The following CNBD1 variants were observed in gnomAD, a reference collection of about 807,000 sequenced individuals.
CNBD1 encodes the protein cyclic nucleotide-binding domain-containing protein 1.
A neutral mutation model predicts 54.4 loss-of-function variants in CNBD1; 71 were observed. The observed-to-expected ratio is 1.30, with a 90% CI of 1.08 to 1.59. CNBD1 has a LOEUF of 1.59. Ranked by LOEUF, CNBD1 falls within the 40% of genes most tolerant of loss-of-function variation. The probability of loss-of-function intolerance (pLI) is 0.00; values close to 1 mark genes in which losing one functional copy is unlikely to be tolerated. For missense variants in CNBD1, 659 were observed against 518.0 expected (o/e 1.27, Z -2.64); for synonymous variants, 182 against 170.7 (o/e 1.07, Z -0.51).
chr8:87,228,914 C>T (rs1464402287), intron 5 of CNBD1, among the ~76,000 whole-genome samples: 4 of 152,212 alleles, frequency 2.6e-5, no homozygotes, highest in Admixed American at 6.5e-5. Context: ...TAGGACCCTC[C>T]GAGCCAGGTG....
chr8:87,125,074 G>C (rs576801870), intron 4 of CNBD1, among the ~76,000 whole-genome samples: 1 of 151,696 alleles, frequency 6.6e-6, no homozygotes, highest in Non-Finnish European at 1.5e-5. Flanking sequence ...TAAATACTTA[G>C]TTCTAAATTC....
chr8:87,406,068 C>A (rs1030767436), intron 2 of CNBD1, among the ~76,000 whole-genome samples: 1 of 152,044 alleles, frequency 6.6e-6, no homozygotes, highest in Non-Finnish European at 1.5e-5. Context: ...CAACCTAAAA[C>A]ATTACTTTGA....
intron 2 of CNBD1, among the ~76,000 whole-genome samples, chr8:87,413,541 T>C (rs1230439636): frequency 6.6e-6 from 1 of 152,030 alleles, no homozygotes; most frequent in Non-Finnish European, 1.5e-5. Flanking sequence ...TGTTCCAAAT[T>C]CTTCTTTTTT....
At chr8:87,183,289 T>G (rs2130779124) in intron 4 of CNBD1, among the ~76,000 whole-genome samples, 1 of 152,246 alleles carries the variant, frequency 6.6e-6, no homozygotes, top group African/African-American at 2.4e-5. Context: ...ACCATGCTGT[T>G]TTGGTTGCTG....
intron 2 of CNBD1, among the ~76,000 whole-genome samples, chr8:87,423,243 T>A (rs1426214492): frequency 3.9e-5 from 6 of 152,158 alleles, no homozygotes; most frequent in African/African-American, 1.4e-4. Context: ...TGACTTCCTC[T>A]TTTCCTAATT....
At position 86,939,354 on chromosome 8, in the gene CNBD1, A is replaced by G. The variant is rs149690932; in HGVS notation, c.273-242A>G. On this transcript the variant is annotated intron_variant, in intron 3 of 10. Transcript: ENST00000518476. ...CAATTGCTCAGGACAGTTATAATAC[A>G]TATAATCAAATTCTATACATTGAAA... Among the ~76,000 whole-genome samples, 119 of 152,316 alleles carry G rather than the reference A, an allele frequency of 7.8e-4. 1 individual carries two copies. In the East Asian group the frequency reaches 0.023, roughly 29 times the overall value.
At chr8:87,345,873 G>A (rs1304297215) in intron 8 of CNBD1, among the ~76,000 whole-genome samples, 1 of 151,990 alleles carries the variant, frequency 6.6e-6, no homozygotes. Context: ...AAGTTAAGGA[G>A]TATTTCTACC....
At chr8:87,255,767 C>T (rs996290966) in intron 6 of CNBD1, among the ~76,000 whole-genome samples, 2 of 151,054 alleles carry the variant, frequency 1.3e-5, no homozygotes, top group African/African-American at 4.9e-5. Flanking sequence ...AAGAATGTGC[C>T]TTAGCCTTCT....
intron 4 of CNBD1, among the ~76,000 whole-genome samples, chr8:87,094,893 G>C (rs892447978): frequency 6.6e-6 from 1 of 152,156 alleles, no homozygotes; most frequent in African/African-American, 2.4e-5. Context: ...CAAAAAATTA[G>C]CTGGGCATGG....
intron 4 of CNBD1, among the ~76,000 whole-genome samples, chr8:87,011,014 A>G (rs1809208991): frequency 6.6e-6 from 1 of 152,092 alleles, no homozygotes; most frequent in South Asian, 2.1e-4. Flanking sequence ...AGAGGATTTA[A>G]TTCTTTTCTG....
intron 4 of CNBD1, among the ~76,000 whole-genome samples, chr8:87,051,091 T>C (rs1810301711): frequency 6.6e-6 from 1 of 152,210 alleles, no homozygotes; most frequent in Non-Finnish European, 1.5e-5. Context: ...AGAATATCCC[T>C]GCCTAGCAAA....
At chr8:87,108,096 A>C (rs755852647) in intron 4 of CNBD1, among the ~76,000 whole-genome samples, 2 of 152,076 alleles carry the variant, frequency 1.3e-5, no homozygotes, top group Non-Finnish European at 2.9e-5. Context: ...ATGACATGAT[A>C]GTTTTGAAAA....
intron 6 of CNBD1, among the ~76,000 whole-genome samples, chr8:87,265,791 A>G (rs954389813): frequency 2.0e-5 from 3 of 152,120 alleles, no homozygotes; most frequent in Non-Finnish European, 2.9e-5. Flanking sequence ...GCAAAACTGA[A>G]AATATGTACT....
At chr8:86,960,544 T>C (rs1460614195) in intron 4 of CNBD1, among the ~76,000 whole-genome samples, 1 of 152,104 alleles carries the variant, frequency 6.6e-6, no homozygotes. Flanking sequence ...CTCTGTAGAC[T>C]CCACCTCTCG....
At chr8:87,304,190 T>C (rs896315454) in intron 8 of CNBD1, among the ~76,000 whole-genome samples, 1 of 151,938 alleles carries the variant, frequency 6.6e-6, no homozygotes, top group African/African-American at 2.4e-5. Context: ...TGCACACGTA[T>C]GTTTATTGCG....
At chr8:87,361,709 T>TATATATATATA (rs1554582984) in intron 10 of CNBD1, among the ~76,000 whole-genome samples, 2 of 150,258 alleles carry the variant, frequency 1.3e-5, no homozygotes, top group African/African-American at 2.4e-5. Flanking sequence ...TATATATATA[T>TATATATATATA]TCTTGTTCAC....
At chr8:87,400,577 A>G (rs1029190280) in intron 2 of CNBD1, among the ~76,000 whole-genome samples, 1 of 152,002 alleles carries the variant, frequency 6.6e-6, no homozygotes, top group Non-Finnish European at 1.5e-5. Flanking sequence ...GACACAAGGA[A>G]CTAACAAAAG....
chr8:87,191,520 G>C (rs151312423), intron 4 of CNBD1, among the ~76,000 whole-genome samples: 1 of 152,114 alleles, frequency 6.6e-6, no homozygotes, highest in African/African-American at 2.4e-5. Context: ...CAGTCAAGTT[G>C]ACACCTAATA....
intron 10 of CNBD1, among the ~76,000 whole-genome samples, chr8:87,375,750 G>A (rs1387490931): frequency 6.6e-6 from 1 of 151,814 alleles, no homozygotes; most frequent in Non-Finnish European, 1.5e-5. Flanking sequence ...ATTACTTATA[G>A]TTACCTTATA....
Sources: gnomAD v4.1 joint callset for allele counts (sites outside exome capture counted in the v4.1 genomes callset) on GRCh38, gnomAD v4.1.1 for gene constraint, MANE v1.5 for transcripts, NCBI Gene and HGNC (gene_info 2026-07-23, HGNC 2026-07-21) for gene names.